The following EMCN variants were observed in gnomAD, a reference collection of about 807,000 sequenced individuals.
EMCN encodes the protein MUC-14.
A neutral mutation model predicts 38.4 loss-of-function variants in EMCN; 37 were observed. The ratio of observed to expected loss-of-function variants is 0.96; its 90% CI spans 0.74 to 1.27. The LOEUF (loss-of-function observed/expected upper bound fraction) is 1.27, where lower values mean the gene tolerates loss of function less well. Ranked by LOEUF, EMCN falls within the 50% of genes most tolerant of loss-of-function variation. EMCN has a pLI of 0.00. For missense variants in EMCN, 318 were observed against 302.8 expected (o/e 1.05, Z -0.37); for synonymous variants, 95 against 100.8 (o/e 0.94, Z 0.35).
At position 100,402,767 on chromosome 4, in the gene EMCN, G is replaced by C. The variant is rs560495981; in HGVS notation, c.*40-4394C>G. Among the ~76,000 whole-genome samples, 11 of 152,084 alleles carry C rather than the reference G, an allele frequency of 7.2e-5. No homozygotes were observed. In the South Asian group the frequency reaches 2.1e-3, roughly 29 times the overall value. ...GAACAAAAATTACTTTTATTAAGCT[G>C]GTTCGAAGATCAACACTGTTCCTTG... On this transcript the variant is annotated intron_variant, in intron 11 of 11. Transcript: ENST00000296420.
intron 11 of EMCN, among the ~76,000 whole-genome samples, chr4:100,408,139 C>T (rs868734121): frequency 7.9e-5 from 12 of 152,106 alleles, no homozygotes; most frequent in African/African-American, 2.7e-4. Flanking sequence ...TGTTGAATTC[C>T]TCAGATTCCT....
At chr4:100,398,783 C>G (rs189413474) in intron 11 of EMCN, among the ~76,000 whole-genome samples, 2 of 152,290 alleles carry the variant, frequency 1.3e-5, no homozygotes. Context: ...TCATCTTCCT[C>G]CATACTGCAG....
intron 1 of EMCN, among the ~76,000 whole-genome samples, chr4:100,488,222 A>G (rs1328738928): frequency 6.6e-6 from 1 of 152,230 alleles, no homozygotes; most frequent in African/African-American, 2.4e-5. Context: ...AATATCCATC[A>G]TGACAAATAA....
At chr4:100,405,768 G>T (rs909492707) in intron 11 of EMCN, among the ~76,000 whole-genome samples, 1 of 151,590 alleles carries the variant, frequency 6.6e-6, no homozygotes, top group Non-Finnish European at 1.5e-5. Flanking sequence ...GTTTCTTCTC[G>T]TTTTTTTGGA....
chr4:100,427,932 C>G (rs1285817897), intron 5 of EMCN, among the ~76,000 whole-genome samples: 1 of 152,106 alleles, frequency 6.6e-6, no homozygotes, highest in African/African-American at 2.4e-5. Flanking sequence ...CTATTCTATT[C>G]CACACGCAAT....
intron 1 of EMCN, among the ~76,000 whole-genome samples, chr4:100,486,611 C>A (rs186795069): frequency 6.6e-6 from 1 of 152,332 alleles, no homozygotes; most frequent in East Asian, 1.9e-4. Context: ...GAGAAAGCTG[C>A]ACCTGAAAGA....
At chr4:100,402,786 T>C (rs1197844532) in intron 11 of EMCN, among the ~76,000 whole-genome samples, 2 of 152,182 alleles carry the variant, frequency 1.3e-5, no homozygotes, top group Non-Finnish European at 2.9e-5. Flanking sequence ...ATCAACACTG[T>C]TCCTTGCCTT....
chr4:100,442,051 C>T (rs1407160634), intron 5 of EMCN, among the ~76,000 whole-genome samples: 1 of 152,126 alleles, frequency 6.6e-6, no homozygotes, highest in East Asian at 1.9e-4. Context: ...ATTTGAAGAA[C>T]TCCTTTAAGC....
chr4:100,433,759 C>G (rs1308732983), intron 5 of EMCN, among the ~76,000 whole-genome samples: 2 of 152,070 alleles, frequency 1.3e-5, no homozygotes, highest in African/African-American at 4.8e-5. Context: ...TGGTCTCAAA[C>G]TCCTGACCTC....
chr4:100,482,184 C>A (rs1728826271), intron 1 of EMCN, among the ~76,000 whole-genome samples: 1 of 152,028 alleles, frequency 6.6e-6, no homozygotes, highest in Non-Finnish European at 1.5e-5. Flanking sequence ...ATAATTAAAT[C>A]TCTGTAGTAG....
intron 3 of EMCN, among the ~76,000 whole-genome samples, chr4:100,472,479 C>T (rs1002820779): frequency 3.9e-5 from 6 of 151,964 alleles, no homozygotes; most frequent in East Asian, 1.9e-4. Flanking sequence ...CATTGATAAA[C>T]GGAAAGACAT....
intron 4 of EMCN, among the ~76,000 whole-genome samples, chr4:100,450,147 A>G (rs913483264): frequency 1.1e-4 from 16 of 152,018 alleles, no homozygotes; most frequent in Non-Finnish European, 2.1e-4. Flanking sequence ...TGATCTTAAA[A>G]GAATCTCAGA....
intron 11 of EMCN, among the ~76,000 whole-genome samples, chr4:100,402,484 T>C (rs766416530): frequency 2.6e-5 from 4 of 152,170 alleles, no homozygotes; most frequent in African/African-American, 4.8e-5. Flanking sequence ...TAGATAGTAG[T>C]TACTCTTTGG....
At chr4:100,445,010 C>T (rs1280933541) in intron 5 of EMCN, among the ~76,000 whole-genome samples, 1 of 152,110 alleles carries the variant, frequency 6.6e-6, no homozygotes, top group African/African-American at 2.4e-5. Flanking sequence ...AAAGGGGTCT[C>T]TTCTGGTTTT....
At chr4:100,503,437 T>C (rs973546508) in intron 1 of EMCN, among the ~76,000 whole-genome samples, 7 of 152,230 alleles carry the variant, frequency 4.6e-5, no homozygotes, top group African/African-American at 1.4e-4. Flanking sequence ...TTTTCATTTC[T>C]ATTCACTTGT....
intron 1 of EMCN, chr4:100,487,123 C>T: frequency 1.8e-6 from 1 of 558,058 alleles, no homozygotes; most frequent in Non-Finnish European, 2.3e-6. Context: ...GGCCTTCAGA[C>T]ACTTGTCCTG....
At position 100,395,697 on chromosome 4, in the gene EMCN, G is replaced by T. The variant is rs1328941384; in HGVS notation, c.*2716C>A. The T allele has an allele frequency of 6.6e-6, 1 of 152,130 alleles. No homozygotes were observed. Among genetic ancestry groups the T allele is most frequent in the Non-Finnish European group, 1.5e-5 (1 of 68,016 alleles). 9.4% of individuals were successfully genotyped at this position (152,130 alleles called of 1,614,324 possible). A position where few individuals can be genotyped will look rare whatever the true frequency, so the allele number is the denominator to read the frequency against. ...CGAAGGTTTGACTATGTCCTCGGTT[G>T]ATACTCATAAATTTAAATATGGTAG... On this transcript the variant is annotated 3_prime_UTR_variant, in exon 12 of 12. Transcript: ENST00000296420.
chr4:100,507,766 G>A lies in EMCN; in HGVS notation c.64+10085C>T, dbSNP rs532810304. On this transcript the variant is annotated intron_variant, in intron 1 of 11. Coordinates refer to ENST00000296420, the MANE Select transcript of EMCN (RefSeq NM_016242.4). The stretch of plus-strand genomic sequence containing the variant: ...TTTATTCTCAATCTTTTTTCCGGAT[G>A]TTGGTTTCTGTCCCCACCCTCTCTC... Among the ~76,000 whole-genome samples, 3 of 152,172 alleles carry A rather than the reference G, an allele frequency of 2.0e-5. No individual in the cohort carries two copies. In the East Asian group the frequency reaches 5.8e-4, roughly 29 times the overall value.
intron 5 of EMCN, among the ~76,000 whole-genome samples, chr4:100,437,374 T>G (rs1727385570): frequency 6.6e-6 from 1 of 152,216 alleles, no homozygotes; most frequent in Admixed American, 6.5e-5. Flanking sequence ...TTGCTGATTA[T>G]TTCCTTTGCT....
Sources: allele counts gnomAD v4.1 joint callset (sites outside exome capture counted in the v4.1 genomes callset), GRCh38; gene constraint gnomAD v4.1.1; transcripts MANE v1.5; gene names NCBI Gene and HGNC (gene_info 2026-07-23, HGNC 2026-07-21).